The following PSPC1 variants were observed in gnomAD, a reference collection of about 807,000 sequenced individuals.
PSPC1 encodes paraspeckle component 1.
In PSPC1, 14 loss-of-function variants were observed where a neutral mutation model predicts 51.6. The ratio of observed to expected loss-of-function variants is 0.27; its 90% CI spans 0.18 to 0.42. The LOEUF (loss-of-function observed/expected upper bound fraction) is 0.42. Among genes scored for constraint, PSPC1 ranks in the 10% least tolerant of loss-of-function variants. The pLI, the probability that PSPC1 is intolerant of heterozygous loss-of-function variation, is 1.00. For synonymous variants in PSPC1, 193 were observed against 231.9 expected, an observed-to-expected ratio of 0.83 and a Z score of 1.53; for missense variants, 406 against 701.1, an observed-to-expected ratio of 0.58 and a Z score of 4.75.
chr13:19,730,950 AAAAAAACAAAAAAAC>A (rs1231151907), intron 5 of PSPC1, among the ~76,000 whole-genome samples: 12 of 28,774 alleles, frequency 4.2e-4, no homozygotes, highest in Non-Finnish European at 6.8e-4. Flanking sequence ...GTCTCAGAAA[AAAAAAACAAAAAAAC>A]AAAAAAAAAA....
intron 6 of PSPC1, among the ~76,000 whole-genome samples, chr13:19,689,022 A>G (rs1878259072): frequency 6.6e-6 from 1 of 152,046 alleles, no homozygotes; most frequent in Admixed American, 6.6e-5. Context: ...AGGCTATTTT[A>G]TGTGTCAGTG....
intron 6 of PSPC1, among the ~76,000 whole-genome samples, chr13:19,718,333 T>C (rs1310189856): frequency 1.3e-5 from 2 of 152,134 alleles, no homozygotes; most frequent in Admixed American, 6.6e-5. Context: ...TCTGGGAAAA[T>C]ATTCTTCAGA....
chr13:19,712,455 A>G (rs1053686678), intron 6 of PSPC1, among the ~76,000 whole-genome samples: 1 of 152,206 alleles, frequency 6.6e-6, no homozygotes, highest in Non-Finnish European at 1.5e-5. Context: ...ATAACTTTCT[A>G]GAATAGTGCA....
chr13:19,716,447 A>G (rs904732741), intron 6 of PSPC1, among the ~76,000 whole-genome samples: 1 of 152,214 alleles, frequency 6.6e-6, no homozygotes, highest in African/African-American at 2.4e-5. Flanking sequence ...ACACTTTATC[A>G]ATATAACTCT....
At chr13:19,730,374 A>G (rs575997870) in intron 5 of PSPC1, 30 bp from the exon 6 acceptor site, 1 of 1,589,434 alleles carries the variant, frequency 6.3e-7, no homozygotes, top group African/African-American at 1.3e-5. Context: ...AAATTTCAGC[A>G]TCATAACATG....
At chr13:19,725,696 C>T (rs1883293571) in intron 6 of PSPC1, among the ~76,000 whole-genome samples, 2 of 152,140 alleles carry the variant, frequency 1.3e-5, no homozygotes, top group South Asian at 4.1e-4. Context: ...GTCAACCCCT[C>T]GACTGGATGA....
chr13:19,730,957 C>CAAAAAA (rs1483772556), intron 5 of PSPC1, among the ~76,000 whole-genome samples: 6 of 36,956 alleles, frequency 1.6e-4, no homozygotes, highest in Admixed American at 3.9e-4. Flanking sequence ...AAAAAAAAAA[C>CAAAAAA]AAAAAAACAA....
At chr13:19,737,164 A>C (rs150726845) in intron 5 of PSPC1, 1 of 152,274 alleles carries the variant, frequency 6.6e-6, no homozygotes, top group Non-Finnish European at 1.5e-5. Context: ...CTTAATGCGG[A>C]CATCCAATCG....
At chr13:19,716,511 C>T (rs1035372100) in intron 6 of PSPC1, among the ~76,000 whole-genome samples, 1 of 152,100 alleles carries the variant, frequency 6.6e-6, no homozygotes, top group Non-Finnish European at 1.5e-5. Context: ...TTTTAGGTCA[C>T]AGTCAAAATT....
intron 6 of PSPC1, among the ~76,000 whole-genome samples, chr13:19,693,312 A>G (rs142944924): frequency 1.3e-5 from 2 of 152,332 alleles, no homozygotes; most frequent in African/African-American, 4.8e-5. Flanking sequence ...GGGTTTTCAA[A>G]GAACTTTCTA....
At chr13:19,776,431 A>G (rs1157978085) in intron 1 of PSPC1, among the ~76,000 whole-genome samples, 3 of 151,944 alleles carry the variant, frequency 2.0e-5, no homozygotes, top group Admixed American at 1.3e-4. Flanking sequence ...ATGCCACTGC[A>G]CTCTAGTCTG....
downstream of PSPC1, chr13:19,671,866 G>C (rs1441298359): frequency 2.5e-6 from 4 of 1,614,124 alleles, no homozygotes; most frequent in African/African-American, 2.7e-5. Context: ...ACAGAGTGCA[G>C]CTGCAGTGAC....
intron 6 of PSPC1, among the ~76,000 whole-genome samples, chr13:19,694,263 A>G (rs992048458): frequency 1.3e-5 from 2 of 151,898 alleles, no homozygotes; most frequent in Non-Finnish European, 2.9e-5. Flanking sequence ...AGCCTATGTA[A>G]TGGGATTCAG....
chr13:19,740,049 A>C (rs1885274762), intron 5 of PSPC1, among the ~76,000 whole-genome samples: 1 of 151,992 alleles, frequency 6.6e-6, no homozygotes, highest in East Asian at 1.9e-4. Context: ...AATATGATTT[A>C]AGAATGAATT....
In PSPC1 at chr13:19,741,643, A is replaced by C; in HGVS notation, c.974T>G (p.Met325Arg). 1 of 1,584,982 alleles carries C rather than the reference A, an allele frequency of 6.3e-7. No homozygotes were observed. The highest frequency in any genetic ancestry group is 8.6e-7 in the Non-Finnish European group (1 of 1,163,712). ...GCGTCTGAGTTCTTCTTGACGCCTC[A>C]TTAGATCTATAAAATAATGACTGCA... ...HQLMLMRQDL[M>R]RRQEELRRLE... is the part of the protein sequence containing the mutation. Residue 325 changes from methionine to arginine, a missense_variant, in exon 5 of 9, where the codon ATG (methionine) becomes AGG (arginine). Physicochemically the swap from Met to Arg is moderately conservative, Grantham distance 91 (BLOSUM62 -1). Transcript: ENST00000338910.
At chr13:19,727,977 T>C (rs1050949783) in intron 6 of PSPC1, among the ~76,000 whole-genome samples, 20 of 152,288 alleles carry the variant, frequency 1.3e-4, no homozygotes, top group African/African-American at 4.6e-4. Flanking sequence ...TAATTTATAG[T>C]TACAACAGTA....
chr13:19,758,745 G>T (rs1365390850), intron 3 of PSPC1, among the ~76,000 whole-genome samples: 1 of 151,754 alleles, frequency 6.6e-6, no homozygotes, highest in Non-Finnish European at 1.5e-5. Flanking sequence ...TGAGGAAGGA[G>T]AATTGCTTGA....
At chr13:19,768,686 T>C (rs1360627734) in intron 2 of PSPC1, among the ~76,000 whole-genome samples, 2 of 150,470 alleles carry the variant, frequency 1.3e-5, no homozygotes, top group East Asian at 3.9e-4. Flanking sequence ...AAGGGGGACA[T>C]CTAAAAAAAT....
In PSPC1 at chr13:19,677,472, G is replaced by A. The variant is rs571793832; in HGVS notation, c.*76+252C>T. On this transcript the variant is annotated intron_variant and NMD_transcript_variant, in intron 7 of 7. Transcript: ENST00000471658. ...CAGTGAGGAAAGAGGAGGGCAAGGC[G>A]AAGCTGAGAGTCCCCTCTAGCCTTG... 2.1e-3 allele frequency among the ~76,000 whole-genome samples: 316 copies of A among 152,294 alleles called. 1 individual carries two copies. Among genetic ancestry groups the A allele is most frequent in the Non-Finnish European group, 3.8e-3 (257 of 68,042 alleles).
Sources: allele counts gnomAD v4.1 joint callset (sites outside exome capture counted in the v4.1 genomes callset), GRCh38; gene constraint gnomAD v4.1.1; transcripts MANE v1.5; gene names NCBI Gene and HGNC (gene_info 2026-07-23, HGNC 2026-07-21).